Variants in PLB1 observed in about 807,000 individuals in gnomAD.
PLB1 encodes phospholipase B1.
PLB1 carries 242 observed loss-of-function variants against 227.4 expected under a neutral mutation model. That is an observed-to-expected ratio of 1.06 (90% CI 0.96 to 1.18). The LOEUF (loss-of-function observed/expected upper bound fraction) is 1.18. Among genes scored for constraint, PLB1 ranks in the 50% most tolerant of loss-of-function variants. The pLI, the probability that PLB1 is intolerant of heterozygous loss-of-function variation, is 0.00. For missense variants in PLB1, 1,858 were observed against 1,816.3 expected (o/e 1.02, Z -0.42); for synonymous variants, 757 against 682.2 (o/e 1.11, Z -1.71).
At chr2:28,591,820 G>A (rs1396980564) in intron 31 of PLB1, 60 bp downstream of exon 31, 1 of 1,520,110 alleles carries the variant, frequency 6.6e-7, no homozygotes, top group African/African-American at 1.4e-5. Context: ...CTATGCTGGT[G>A]AGTCCTCTGA....
chr2:28,568,923 C>T (rs985667077), intron 20 of PLB1, among the ~76,000 whole-genome samples: 5 of 152,110 alleles, frequency 3.3e-5, no homozygotes, highest in African/African-American at 1.2e-4. Flanking sequence ...GTGCTGAGTT[C>T]CTTCTACCTC....
chr2:28,545,420 C>T (rs1404352342), intron 14 of PLB1, among the ~76,000 whole-genome samples: 1 of 152,306 alleles, frequency 6.6e-6, no homozygotes, highest in East Asian at 1.9e-4. Flanking sequence ...TGCTGGAACA[C>T]ATCAGAAGCT....
intron 50 of PLB1, among the ~76,000 whole-genome samples, chr2:28,625,671 C>T (rs570444942): frequency 6.9e-4 from 105 of 152,284 alleles, no homozygotes; most frequent in Non-Finnish European, 1.4e-3. Context: ...CTCCTTCCCC[C>T]GACCCTAAGA....
chr2:28,584,904 C>A (rs1680652265), intron 25 of PLB1, among the ~76,000 whole-genome samples: 1 of 152,242 alleles, frequency 6.6e-6, no homozygotes, highest in Non-Finnish European at 1.5e-5. Context: ...CTAGCTCCCA[C>A]ACTCAGCACC....
At chr2:28,636,011 A>ATGAATGTGTG (rs1262308156) in intron 56 of PLB1, among the ~76,000 whole-genome samples, 30 of 98,588 alleles carry the variant, frequency 3.0e-4, no homozygotes, top group South Asian at 2.5e-3. Context: ...ATGTGTATGT[A>ATGAATGTGTG]TGTATGAATG....
At chr2:28,630,708 C>T in intron 54 of PLB1, 44 bp downstream of exon 54, 3 of 1,523,584 alleles carry the variant, frequency 2.0e-6, no homozygotes, top group Non-Finnish European at 2.7e-6. Flanking sequence ...CTGGGGGGCC[C>T]CCTGTACTCC....
chr2:28,528,405 T>TA (rs1670558562), intron 6 of PLB1, among the ~76,000 whole-genome samples: 2 of 152,190 alleles, frequency 1.3e-5, no homozygotes, highest in African/African-American at 4.8e-5. Context: ...GCACTATTTT[T>TA]AGCGGTCCTC....
Position 28,529,415 on chromosome 2 carries a change from C to T in PLB1, c.416+8C>T. The T allele has an allele frequency of 6.3e-7, 1 of 1,577,142 alleles. No individual in the cohort carries two copies. The highest frequency in any genetic ancestry group is 8.7e-7 in the Non-Finnish European group (1 of 1,146,512). ...ACCCCACGATGGTGCTGAGTAAGTT[C>T]CCTTTCTGTCTCTCTCTGAGGTTAT... On this transcript the variant is annotated splice_region_variant and intron_variant, in intron 7 of 57. Transcript: ENST00000327757.
At chr2:28,581,494 T>A (rs200353885) in intron 23 of PLB1, among the ~76,000 whole-genome samples, 3,414 of 38,746 alleles carry the variant, frequency 0.088, 319 homozygotes, top group African/African-American at 0.3. Context: ...AAAAAATAAA[T>A]AAATAAATAA....
At position 28,603,972 on chromosome 2, in the gene PLB1, G is replaced by T. The variant is rs760840732; in HGVS notation, c.2781G>T (p.Leu927Phe). The change falls in exon 40 of 58, where the codon TTG (leucine) becomes TTT (phenylalanine). Residue 927 changes from leucine (L) to phenylalanine (F), a missense_variant. By Grantham distance (22) the Leu-to-Phe change is conservative (BLOSUM62 0). Transcript: ENST00000327757. ...CCTCCCCCTCTTTGTGCAGCGTTTT[G>T]TGTAACTGCGTTCTGACCCTGCGGG... Reference protein sequence around the residue: ...DKCPVQQASVLCNCVLTLREN... With the variant: ...DKCPVQQASVFCNCVLTLREN... 16 of 1,614,198 alleles carry T rather than the reference G, an allele frequency of 9.9e-6. No individual in the cohort carries two copies. The South Asian group carries it at 1.8e-4, about 18-fold the overall frequency.
At chr2:28,624,361 G>A (rs1244982258) in intron 49 of PLB1, among the ~76,000 whole-genome samples, 3 of 152,122 alleles carry the variant, frequency 2.0e-5, no homozygotes, top group Non-Finnish European at 2.9e-5. Context: ...ATTTTGCGAT[G>A]CATCCATGTT....
chr2:28,624,063 A>G (rs1291277923), intron 49 of PLB1, among the ~76,000 whole-genome samples: 1 of 152,022 alleles, frequency 6.6e-6, no homozygotes, highest in Non-Finnish European at 1.5e-5. Flanking sequence ...ACACCACTAC[A>G]CTCCAGCCTG....
At chr2:28,515,879 A>G (rs924161713) in intron 1 of PLB1, among the ~76,000 whole-genome samples, 1 of 152,214 alleles carries the variant, frequency 6.6e-6, no homozygotes, top group African/African-American at 2.4e-5. Flanking sequence ...ATAAGCATCA[A>G]AATTATGTAA....
At chr2:28,605,597 A>G (rs2148305663) in intron 41 of PLB1, among the ~76,000 whole-genome samples, 1 of 152,278 alleles carries the variant, frequency 6.6e-6, no homozygotes, top group East Asian at 1.9e-4. Context: ...GCCCAAAAAT[A>G]AATACGACAC....
rs115887429 is a variant in PLB1 at position 28,544,685 on chromosome 2, C to T, written c.936+1417C>T. Among the ~76,000 whole-genome samples, 69 of 152,124 alleles carry T rather than the reference C, an allele frequency of 4.5e-4. 1 individual carries two copies. Among genetic ancestry groups the T allele is most frequent in the African/African-American group, 1.4e-3 (59 of 41,488 alleles). ...CAAGAAGCAATGTGAACAATGAGGC[C>T]GGGAGAGCCCATGAAGAGGGGATTT... is the stretch of plus-strand genomic sequence containing the variant. On this transcript the variant is annotated intron_variant, in intron 14 of 57. Transcript: ENST00000327757.
chr2:28,583,307 T>C (rs1680360077), intron 25 of PLB1, among the ~76,000 whole-genome samples: 1 of 151,854 alleles, frequency 6.6e-6, no homozygotes, highest in African/African-American at 2.4e-5. Context: ...CACCTCAGCC[T>C]CCTTAGTAGC....
intron 14 of PLB1, among the ~76,000 whole-genome samples, chr2:28,545,822 G>A (rs1673170193): frequency 6.6e-6 from 1 of 152,126 alleles, no homozygotes; most frequent in Admixed American, 6.5e-5. Context: ...CAGAGCCCAG[G>A]TGAGGGCTGC....
At chr2:28,523,537 C>T (rs575650584) in intron 4 of PLB1, among the ~76,000 whole-genome samples, 18 of 151,968 alleles carry the variant, frequency 1.2e-4, no homozygotes, top group Admixed American at 9.2e-4. Context: ...GGAGTGGGCA[C>T]GATGGGGACG....
intron 6 of PLB1, among the ~76,000 whole-genome samples, chr2:28,527,318 C>T (rs1053683940): frequency 2.0e-5 from 3 of 152,278 alleles, no homozygotes; most frequent in Admixed American, 1.3e-4. Context: ...TGAAGCCCTC[C>T]GAGGCAGGCC....
Sources: allele counts gnomAD v4.1 joint callset (sites outside exome capture counted in the v4.1 genomes callset), GRCh38; gene constraint gnomAD v4.1.1; transcripts MANE v1.5; gene names NCBI Gene and HGNC (gene_info 2026-07-23, HGNC 2026-07-21).